MYO1H: variants seen among roughly 807,000 people sequenced by gnomAD.
MYO1H encodes unconventional myosin-Ih.
In MYO1H, 118 loss-of-function variants were observed where a neutral mutation model predicts 149.3. The ratio of observed to expected loss-of-function variants is 0.79; its 90% CI spans 0.68 to 0.92. The LOEUF (loss-of-function observed/expected upper bound fraction) is 0.92. Ranked by LOEUF, MYO1H falls within the 40% of genes least tolerant of loss-of-function variation. MYO1H has a pLI of 0.00. For synonymous variants in MYO1H, 447 were observed against 465.2 expected (o/e 0.96, Z 0.50); for missense variants, 1,212 against 1,280.7 (o/e 0.95, Z 0.82).
chr12:109,392,729 C>A (rs7976839), intron 2 of MYO1H, among the ~76,000 whole-genome samples: 75,562 of 151,514 alleles, frequency 0.5, 19,512 homozygotes, highest in African/African-American at 0.62. Context: ...AAAAAGAAGA[C>A]GACTTCCCCA....
intron 31 of MYO1H, chr12:109,446,287 G>C (rs1248757263): frequency 1.3e-5 from 13 of 984,962 alleles, no homozygotes; most frequent in Non-Finnish European, 1.6e-5. Context: ...CTCGCTGGCT[G>C]CTAGTACACG....
At chr12:109,358,997 T>G (rs1868676727) in intron 1 of MYO1H, among the ~76,000 whole-genome samples, 1 of 152,052 alleles carries the variant, frequency 6.6e-6, no homozygotes, top group African/African-American at 2.4e-5. Flanking sequence ...AGTTGGCCTG[T>G]GGTCCCTCGC....
At chr12:109,354,978 A>C (rs11066376) in intron 1 of MYO1H, among the ~76,000 whole-genome samples, 3,976 of 152,302 alleles carry the variant, frequency 0.026, 65 homozygotes, top group South Asian at 0.063. Context: ...TACAAATGAG[A>C]AATAGCCTGA....
At chr12:109,439,825 T>C (rs1872038843) in intron 24 of MYO1H, 35 bp downstream of exon 24, 6 of 1,591,180 alleles carry the variant, frequency 3.8e-6, no homozygotes, top group African/African-American at 1.3e-5. Context: ...GTGTTGTAAG[T>C]AGCACGGGCA....
chr12:109,349,522 A>G (rs1018931264), intron 1 of MYO1H, among the ~76,000 whole-genome samples: 5 of 145,050 alleles, frequency 3.4e-5, no homozygotes, highest in African/African-American at 1.3e-4. Flanking sequence ...GTAGCTAGAT[A>G]TGGTGGCACA....
chr12:109,334,064 C>G, the MYO1H span, among the ~76,000 whole-genome samples: 2 of 151,838 alleles, frequency 1.3e-5, no homozygotes, highest in Non-Finnish European at 2.9e-5. Context: ...TCGCCCAGGC[C>G]GGAGTACAGT....
intron 16 of MYO1H, among the ~76,000 whole-genome samples, chr12:109,423,912 A>T (rs1344443106): frequency 6.6e-6 from 1 of 152,232 alleles, no homozygotes; most frequent in Non-Finnish European, 1.5e-5. Context: ...TAGATTATTT[A>T]AAAAATACAC....
chr12:109,441,239 T>C (rs1872116001), intron 25 of MYO1H, among the ~76,000 whole-genome samples: 1 of 152,216 alleles, frequency 6.6e-6, no homozygotes, highest in African/African-American at 2.4e-5. Context: ...AAAGCAGCCA[T>C]GGACAATGTG....
At chr12:109,331,734 C>T in the MYO1H span, among the ~76,000 whole-genome samples, 2 of 152,214 alleles carry the variant, frequency 1.3e-5, no homozygotes, top group African/African-American at 4.8e-5. Context: ...CTGCAGTTCT[C>T]CCGTGCAATT....
intron 1 of MYO1H, among the ~76,000 whole-genome samples, chr12:109,350,456 G>T (rs912444564): frequency 2.0e-5 from 3 of 152,244 alleles, no homozygotes; most frequent in Non-Finnish European, 4.4e-5. Context: ...AACCCCCTTC[G>T]CTTGGCTCTC....
At chr12:109,322,331 C>A in the MYO1H span, among the ~76,000 whole-genome samples, 1 of 152,178 alleles carries the variant, frequency 6.6e-6, no homozygotes, top group Non-Finnish European at 1.5e-5. Context: ...ACGAAGGGGT[C>A]CCTGCCTGGC....
intron 15 of MYO1H, among the ~76,000 whole-genome samples, chr12:109,415,922 ATTTTATTTTAT>A (rs944311015): frequency 6.8e-6 from 1 of 147,966 alleles, no homozygotes; most frequent in African/African-American, 2.5e-5. Context: ...ATTTTATTTT[ATTTTATTTTAT>A]TTTATTTTAT....
At chr12:109,324,967 T>C in the MYO1H span, among the ~76,000 whole-genome samples, 8 of 152,122 alleles carry the variant, frequency 5.3e-5, no homozygotes, top group Non-Finnish European at 1.2e-4. Context: ...TGAGAACAAG[T>C]GGTGGTTGGT....
chr12:109,358,030 C>T (rs1868647991), intron 1 of MYO1H, among the ~76,000 whole-genome samples: 2 of 151,806 alleles, frequency 1.3e-5, no homozygotes, highest in Non-Finnish European at 2.9e-5. Flanking sequence ...ACTGTTCTTG[C>T]TTTTTGAATT....
intron 27 of MYO1H, 106 bp from the exon 28 acceptor site, chr12:109,443,408 T>C: frequency 7.8e-7 from 1 of 1,275,904 alleles, no homozygotes; most frequent in South Asian, 1.4e-5. Flanking sequence ...ACGCAAAATC[T>C]GTTTGAGCTT....
At chr12:109,373,213 T>C (rs1566020389) in intron 1 of MYO1H, among the ~76,000 whole-genome samples, 2 of 152,240 alleles carry the variant, frequency 1.3e-5, no homozygotes, top group South Asian at 2.1e-4. Context: ...CCTCCTCTTA[T>C]CTAATTGCAT....
intron 15 of MYO1H, 123 bp downstream of exon 15, chr12:109,415,743 C>A: frequency 1.8e-6 from 1 of 551,850 alleles, no homozygotes; most frequent in African/African-American, 1.9e-5. Context: ...ACCTCGCGTT[C>A]AAGCCATTTG....
rs986844075 is a variant in MYO1H, at chr12:109,436,540, G to GA, written c.2200dup (p.Arg734LysfsTer35). ...GCTGCCTAGGAAGGAGAGAATACGT[G>GA]AAAAAAAGACAAGCAGGTAAGAATT... On this transcript the variant is annotated frameshift_variant, in exon 22 of 32. Transcript: ENST00000310903. LOFTEE classifies it high-confidence loss of function. 5.0e-6 allele frequency: 8 copies of GA among 1,607,370 alleles called. No individual in the cohort carries two copies. Among genetic ancestry groups the GA allele is most frequent in the Admixed American group, 3.4e-5 (2 of 59,056 alleles).
At chr12:109,328,152 ATATGCGTG>A in the MYO1H span, among the ~76,000 whole-genome samples, 1 of 149,446 alleles carries the variant, frequency 6.7e-6, no homozygotes, top group African/African-American at 2.5e-5. Context: ...ATATATATAT[ATATGCGTG>A]TGTGTGTGTG....
Sources: allele counts gnomAD v4.1 joint callset (sites outside exome capture counted in the v4.1 genomes callset), GRCh38; gene constraint gnomAD v4.1.1; transcripts MANE v1.5; gene names NCBI Gene and HGNC (gene_info 2026-07-23, HGNC 2026-07-21).